The following PCDHGA1 variants were observed in gnomAD, a reference collection of about 807,000 sequenced individuals.
The protein encoded by PCDHGA1 is protocadherin gamma subfamily A, 1, also known as protocadherin gamma-A1.
Under a neutral mutation model 58.0 loss-of-function variants are expected in PCDHGA1, and 32 were observed. That is an observed-to-expected ratio of 0.55 (90% CI 0.42 to 0.74). PCDHGA1 has a LOEUF of 0.74. Ranked by LOEUF, PCDHGA1 falls within the 30% of genes least tolerant of loss-of-function variation. The pLI is 0.00. For missense variants in PCDHGA1, 1,205 were observed against 1,182.3 expected (o/e 1.02, Z -0.28); for synonymous variants, 498 against 501.1 (o/e 0.99, Z 0.08).
chr5:141,398,175 G>C, intron 1 of PCDHGA1: 1 of 1,475,074 alleles, frequency 6.8e-7, no homozygotes, highest in Non-Finnish European at 9.0e-7. Flanking sequence ...GGCTGCCAGT[G>C]CTCTTTCTCT....
intron 1 of PCDHGA1, chr5:141,394,715 C>T (rs776573423): frequency 6.2e-7 from 1 of 1,613,304 alleles, no homozygotes; most frequent in African/African-American, 1.3e-5. Flanking sequence ...CCCTGCTGGA[C>T]AGAGATGCGC....
chr5:141,370,935 A>T (rs961930132), intron 1 of PCDHGA1: 2 of 1,613,850 alleles, frequency 1.2e-6, no homozygotes, highest in Admixed American at 3.3e-5. Flanking sequence ...CTTCTCTTTG[A>T]TTCAGAAGGA....
At chr5:141,388,460 T>G in intron 1 of PCDHGA1, 1 of 1,613,854 alleles carries the variant, frequency 6.2e-7, no homozygotes. Flanking sequence ...GTAAATACCC[T>G]GAGATGGTAT....
intron 1 of PCDHGA1, chr5:141,393,238 T>A: frequency 1.2e-6 from 2 of 1,613,734 alleles, no homozygotes; most frequent in Non-Finnish European, 8.5e-7. Context: ...GAAGTAAAAA[T>A]TAACGAAATC....
Position 141,485,274 on chromosome 5 carries a change from C to A in PCDHGA1, c.2422-9533C>A. 1 of 1,614,106 alleles carries A rather than the reference C, an allele frequency of 6.2e-7. No homozygotes were observed. The highest frequency in any genetic ancestry group is 1.3e-5 in the African/African-American group (1 of 75,036). ...TACGTTTGTGGGCAGATCCGCTACC[C>A]GGTCCCAGAGGAGTCACAGGAAGGG... On this transcript the variant is annotated intron_variant, in intron 1 of 3. Transcript: ENST00000517417. The surrounding 1 kb of genome is among the most constrained non-coding windows in gnomAD (Gnocchi z 5.7).
chr5:141,429,765 T>C (rs897963458), intron 1 of PCDHGA1, among the ~76,000 whole-genome samples: 1 of 152,230 alleles, frequency 6.6e-6, no homozygotes, highest in East Asian at 1.9e-4. Flanking sequence ...TTTCCCTATA[T>C]TTTGATGGGC....
At chr5:141,371,623 T>C in intron 1 of PCDHGA1, 1 of 1,614,008 alleles carries the variant, frequency 6.2e-7, no homozygotes, top group African/African-American at 1.3e-5. Flanking sequence ...GATGGAGCCC[T>C]GGACCGGGAG....
At chr5:141,399,798 G>C in intron 1 of PCDHGA1, 1 of 1,613,236 alleles carries the variant, frequency 6.2e-7, no homozygotes, top group Non-Finnish European at 8.5e-7. Flanking sequence ...ACGCACCGCG[G>C]GTGCTGTACC....
chr5:141,438,682 A>G (rs1282726848), intron 1 of PCDHGA1, among the ~76,000 whole-genome samples: 13 of 140,730 alleles, frequency 9.2e-5, no homozygotes, highest in Admixed American at 6.6e-4. Flanking sequence ...GGAGTAGGGG[A>G]TGGAGTCTTG....
At chr5:141,451,315 T>A (rs2154563546) in intron 1 of PCDHGA1, among the ~76,000 whole-genome samples, 1 of 152,330 alleles carries the variant, frequency 6.6e-6, no homozygotes, top group South Asian at 2.1e-4. Context: ...GCAATTAAAG[T>A]GTCACCTAAG....
At chr5:141,386,989 G>A (rs1354556956) in intron 1 of PCDHGA1, among the ~76,000 whole-genome samples, 1 of 152,156 alleles carries the variant, frequency 6.6e-6, no homozygotes, top group East Asian at 1.9e-4. Context: ...TTGAGGCTAT[G>A]TATTATCCCC....
At chr5:141,492,163 C>G (rs921256341) in intron 1 of PCDHGA1, among the ~76,000 whole-genome samples, 3 of 152,232 alleles carry the variant, frequency 2.0e-5, no homozygotes, top group Admixed American at 6.5e-5. Flanking sequence ...CCTCCCTATC[C>G]CCGCATCACC....
At chr5:141,358,103 T>C (rs887608631) in intron 1 of PCDHGA1, among the ~76,000 whole-genome samples, 2 of 152,130 alleles carry the variant, frequency 1.3e-5, no homozygotes, top group African/African-American at 4.8e-5. Context: ...GGCATGAGAA[T>C]TGCTTGAACC....
At chr5:141,339,406 C>A in intron 1 of PCDHGA1, 1 of 1,614,206 alleles carries the variant, frequency 6.2e-7, no homozygotes, top group Non-Finnish European at 8.5e-7. Flanking sequence ...TCAGTGAAAC[C>A]ACTACGCCAG....
At chr5:141,358,349 G>A (rs1182827672) in intron 1 of PCDHGA1, among the ~76,000 whole-genome samples, 3 of 152,164 alleles carry the variant, frequency 2.0e-5, no homozygotes, top group African/African-American at 7.2e-5. Context: ...TGGACTGAGG[G>A]TTTTTTAATT....
intron 1 of PCDHGA1, chr5:141,366,006 C>G: frequency 1.9e-6 from 3 of 1,614,240 alleles, no homozygotes; most frequent in Non-Finnish European, 2.5e-6. Context: ...AACGACAATA[C>G]GCCTGAGATC....
intron 1 of PCDHGA1, chr5:141,395,547 TGTGTGTGTGTGTGTGTGTGTGTGTGTG>T: frequency 5.8e-6 from 1 of 173,894 alleles, no homozygotes; most frequent in Non-Finnish European, 1.2e-5. Flanking sequence ...ATTGTTTGTG[TGTGTGTGTGTGTGTGTGTGTGTGTGTG>T]TGTGTGTGTG....
At position 141,432,395 on chromosome 5, in the gene PCDHGA1, G is replaced by T. The variant is rs748660079; in HGVS notation, c.2422-62412G>T. On this transcript the variant is annotated intron_variant, in intron 1 of 3. Coordinates refer to ENST00000517417, the MANE Select transcript of PCDHGA1 (RefSeq NM_018912.3). This position sits in a 1 kb window ranked among gnomAD's most constrained non-coding sequence, Gnocchi z 6.0. ...CGGGCACCCGCCCCTCAGCAGCAAC[G>T]TGTCGTTGAGCCTGTTCGTGCTGGA... 5 of 1,614,242 alleles carry T rather than the reference G, an allele frequency of 3.1e-6. No individual in the cohort carries two copies. In the East Asian group the frequency reaches 8.9e-5, roughly 29 times the overall value.
chr5:141,427,391 A>G (rs942653386), intron 1 of PCDHGA1: 3 of 459,818 alleles, frequency 6.5e-6, no homozygotes, highest in Non-Finnish European at 1.3e-5. Context: ...TGTTCAAAAC[A>G]CATGATAAAG....
Sources: allele counts gnomAD v4.1 joint callset (sites outside exome capture counted in the v4.1 genomes callset), GRCh38; gene constraint gnomAD v4.1.1; non-coding constraint Gnocchi (gnomAD v3.1); transcripts MANE v1.5; gene names NCBI Gene and HGNC (gene_info 2026-07-23, HGNC 2026-07-21).